FAM135B: variants seen among roughly 807,000 people sequenced by gnomAD.
The protein encoded by FAM135B is family with sequence similarity 135 member B, also known as protein FAM135B.
Under a neutral mutation model 127.7 loss-of-function variants are expected in FAM135B, and 43 were observed. The observed-to-expected ratio is 0.34, with a 90% confidence interval of 0.26 to 0.43. FAM135B has a LOEUF of 0.43. Among genes scored for constraint, FAM135B ranks in the 20% least tolerant of loss-of-function variants. The pLI, the probability that FAM135B is intolerant of heterozygous loss-of-function variation, is 1.00. For missense variants in FAM135B, 1,558 were observed against 1,725.6 expected (o/e 0.90, Z 1.72); for synonymous variants, 670 against 665.1 (o/e 1.01, Z -0.11).
chr8:138,239,221 G>A (rs1329569711), intron 7 of FAM135B, among the ~76,000 whole-genome samples: 1 of 152,150 alleles, frequency 6.6e-6, no homozygotes, highest in Non-Finnish European at 1.5e-5. Context: ...TCCAGCACCT[G>A]TTGTTTCCTG....
At chr8:138,159,077 C>A (rs2130839103) in intron 12 of FAM135B, among the ~76,000 whole-genome samples, 1 of 149,602 alleles carries the variant, frequency 6.7e-6, no homozygotes, top group South Asian at 2.2e-4. Context: ...TCGAGACCAT[C>A]CTGGCTAACA....
intron 2 of FAM135B, among the ~76,000 whole-genome samples, chr8:138,343,893 G>T (rs930869624): frequency 2.0e-5 from 3 of 152,192 alleles, no homozygotes. Flanking sequence ...GGACAGGAGG[G>T]GGGTTTAGGA....
intron 1 of FAM135B, among the ~76,000 whole-genome samples, chr8:138,452,669 G>A (rs917772511): frequency 4.7e-5 from 7 of 149,012 alleles, no homozygotes; most frequent in African/African-American, 1.5e-4. Context: ...TTGTGGACAC[G>A]GGATTCAGAA....
intron 2 of FAM135B, among the ~76,000 whole-genome samples, chr8:138,359,565 T>C (rs1237816190): frequency 6.6e-6 from 1 of 152,184 alleles, no homozygotes; most frequent in Non-Finnish European, 1.5e-5. Flanking sequence ...AGCTGAACAC[T>C]CAATGCAGCT....
intron 7 of FAM135B, among the ~76,000 whole-genome samples, chr8:138,232,113 C>T (rs1159111041): frequency 6.6e-6 from 1 of 152,254 alleles, no homozygotes; most frequent in African/African-American, 2.4e-5. Flanking sequence ...AAGATTAGCC[C>T]TACCAGGTTT....
At chr8:138,489,206 A>T (rs78055959) in intron 1 of FAM135B, among the ~76,000 whole-genome samples, 8,186 of 152,198 alleles carry the variant, frequency 0.054, 690 homozygotes, top group African/African-American at 0.18. Context: ...CGCATTCAAA[A>T]CAGAACTCAT....
intron 9 of FAM135B, among the ~76,000 whole-genome samples, chr8:138,185,738 C>T (rs774759771): frequency 1.1e-3 from 168 of 152,282 alleles, no homozygotes; most frequent in African/African-American, 3.6e-3. Context: ...AGAAAACCTC[C>T]GTTGCTGTAT....
At chr8:138,274,566 G>A (rs560095246) in intron 3 of FAM135B, among the ~76,000 whole-genome samples, 26 of 152,104 alleles carry the variant, frequency 1.7e-4, no homozygotes, top group East Asian at 5.8e-4. Flanking sequence ...GAGACCAACC[G>A]GTCTCACCAA....
intron 1 of FAM135B, among the ~76,000 whole-genome samples, chr8:138,429,460 C>G (rs891184050): frequency 3.3e-5 from 5 of 152,114 alleles, no homozygotes; most frequent in Non-Finnish European, 7.3e-5. Context: ...GTGACGAACT[C>G]TATTTTAACT....
intron 2 of FAM135B, among the ~76,000 whole-genome samples, chr8:138,342,494 C>G (rs763073391): frequency 3.3e-5 from 5 of 152,186 alleles, no homozygotes; most frequent in Non-Finnish European, 5.9e-5. Context: ...CGACCAAGAG[C>G]CCTTCAGGTG....
intron 1 of FAM135B, among the ~76,000 whole-genome samples, chr8:138,405,035 A>C (rs1833382627): frequency 1.3e-5 from 2 of 152,218 alleles, no homozygotes; most frequent in South Asian, 4.1e-4. Flanking sequence ...TACCTATTGC[A>C]GCTATAGCCT....
rs964132907 is a variant in FAM135B, at chr8:138,243,609, C to G, written c.543-541G>C. ...TCAACGCTAATTGGGAAGACCATAA[C>G]CTGCTCAGCTCACAAATGTGCAGTT... On this transcript the variant is annotated intron_variant, in intron 6 of 19. Transcript: ENST00000395297. This position sits in a 1 kb window ranked among gnomAD's most constrained non-coding sequence, Gnocchi z 7.5. 2.6e-5 allele frequency among the ~76,000 whole-genome samples: 4 copies of G among 152,220 alleles called. No individual in the cohort carries two copies. The highest frequency in any genetic ancestry group is 1.3e-4 in the Admixed American group (2 of 15,284).
chr8:138,187,017 G>A (rs1465413997), intron 9 of FAM135B, among the ~76,000 whole-genome samples: 6 of 152,100 alleles, frequency 3.9e-5, no homozygotes, highest in Non-Finnish European at 8.8e-5. Flanking sequence ...GTACTCCCAG[G>A]GCTGCAGCAA....
At chr8:138,340,022 C>T (rs1210907920) in intron 2 of FAM135B, among the ~76,000 whole-genome samples, 2 of 152,286 alleles carry the variant, frequency 1.3e-5, no homozygotes, top group East Asian at 1.9e-4. Flanking sequence ...TTCATCATCC[C>T]GGGATGGGTT....
chr8:138,426,775 C>T (rs932469471), intron 1 of FAM135B, among the ~76,000 whole-genome samples: 4 of 151,672 alleles, frequency 2.6e-5, no homozygotes, highest in African/African-American at 7.3e-5. Context: ...ATTCCTTGAC[C>T]TATGAGACAC....
At chr8:138,139,168 G>T in intron 17 of FAM135B, 72 bp from the exon 18 acceptor site, 1 of 917,038 alleles carries the variant, frequency 1.1e-6, no homozygotes, top group Non-Finnish European at 1.7e-6. Flanking sequence ...TGGAATTTTG[G>T]TGAGATGAAC....
At chr8:138,330,938 G>A (rs1828127545) in intron 2 of FAM135B, among the ~76,000 whole-genome samples, 1 of 151,988 alleles carries the variant, frequency 6.6e-6, no homozygotes, top group Admixed American at 6.6e-5. Flanking sequence ...CGCCTCCAGG[G>A]TTCAAGCGAT....
intron 1 of FAM135B, 150 bp downstream of exon 1, chr8:138,496,521 G>C (rs961646619): frequency 6.6e-6 from 1 of 152,400 alleles, no homozygotes; most frequent in Non-Finnish European, 1.5e-5. Flanking sequence ...CAGAGAGACT[G>C]GGGAAAATCG....
intron 3 of FAM135B, among the ~76,000 whole-genome samples, chr8:138,305,966 G>A (rs552646771): frequency 5.9e-5 from 9 of 152,184 alleles, no homozygotes; most frequent in Non-Finnish European, 1.0e-4. Flanking sequence ...TATATGTTAT[G>A]TCTTATGATT....
Sources: gnomAD v4.1 joint callset for allele counts (sites outside exome capture counted in the v4.1 genomes callset) on GRCh38, gnomAD v4.1.1 for gene constraint, Gnocchi (gnomAD v3.1) non-coding constraint, MANE v1.5 for transcripts, NCBI Gene and HGNC (gene_info 2026-07-23, HGNC 2026-07-21) for gene names.